LRRC8D: variants seen among roughly 807,000 people sequenced by gnomAD.
The protein encoded by LRRC8D is leucine rich repeat containing 8 VRAC subunit D, also known as volume-regulated anion channel subunit LRRC8D.
In LRRC8D, 20 loss-of-function variants were observed where a neutral mutation model predicts 55.8. The ratio of observed to expected loss-of-function variants is 0.36; its 90% CI spans 0.25 to 0.52. LRRC8D has a LOEUF of 0.52. Ranked by LOEUF, LRRC8D falls within the 20% of genes least tolerant of loss-of-function variation. The pLI is 0.93. For missense variants in LRRC8D, 651 were observed against 1,030.8 expected (o/e 0.63, Z 5.05); for synonymous variants, 352 against 377.0 (o/e 0.93, Z 0.77).
At chr1:89,863,997 T>C (rs1661784398) in intron 2 of LRRC8D, among the ~76,000 whole-genome samples, 1 of 152,214 alleles carries the variant, frequency 6.6e-6, no homozygotes, top group South Asian at 2.1e-4. Context: ...CGTGTTGTTA[T>C]GGCATAAAGT....
intron 2 of LRRC8D, among the ~76,000 whole-genome samples, chr1:89,905,392 C>G (rs1454612564): frequency 6.6e-6 from 1 of 152,150 alleles, no homozygotes; most frequent in Non-Finnish European, 1.5e-5. Flanking sequence ...CATTCATGAA[C>G]AAATAAAACC....
chr1:89,849,529 A>T (rs2100762236), intron 2 of LRRC8D, among the ~76,000 whole-genome samples: 1 of 151,920 alleles, frequency 6.6e-6, no homozygotes, highest in Middle Eastern at 3.4e-3. Flanking sequence ...ATTGCTGCCA[A>T]CCTGATAAAT....
intron 1 of LRRC8D, among the ~76,000 whole-genome samples, chr1:89,823,223 C>T (rs1223246298): frequency 1.3e-5 from 2 of 152,128 alleles, no homozygotes; most frequent in Admixed American, 6.5e-5. Context: ...TGTGGAGTAG[C>T]ATATGATGCA....
At chr1:89,870,807 G>C (rs902899220) in intron 2 of LRRC8D, among the ~76,000 whole-genome samples, 1 of 152,102 alleles carries the variant, frequency 6.6e-6, no homozygotes, top group African/African-American at 2.4e-5. Context: ...CAGTGACCAG[G>C]GGTACTTGGA....
chr1:89,823,501 C>G (rs1660690645), intron 1 of LRRC8D, among the ~76,000 whole-genome samples: 1 of 152,188 alleles, frequency 6.6e-6, no homozygotes, highest in Non-Finnish European at 1.5e-5. Context: ...AGACTCGATT[C>G]TGTTCTCAGT....
At position 89,934,677 on chromosome 1, in the gene LRRC8D, G is replaced by A. The variant is rs753883648; in HGVS notation, c.1609G>A (p.Asp537Asn). 3 of 1,613,996 alleles carry A rather than the reference G, an allele frequency of 1.9e-6. No homozygotes were observed. Among genetic ancestry groups the A allele is most frequent in the Admixed American group, 1.7e-5 (1 of 59,994 alleles). ...VEQTAFSFLR[D>N]HLRCLHVKFT... ...ACAGACTGCTTTTAGCTTTCTTCGCGATCACTTGAGATGCCTTCACGTGAA... is the reference window on the plus strand; with the variant it reads ...ACAGACTGCTTTTAGCTTTCTTCGCAATCACTTGAGATGCCTTCACGTGAA... Residue 537 changes from aspartate to asparagine, a missense_variant, in exon 3 of 3, where the codon GAT (aspartate) becomes AAT (asparagine). Physicochemically the swap from Asp to Asn is conservative, Grantham distance 23. This residue lies in a region of LRRC8D where 338 missense variants were observed against 479.4 expected (regional missense o/e 0.71). Transcript: ENST00000337338. The surrounding 1 kb of genome is among the most constrained non-coding windows in gnomAD (Gnocchi z 5.9).
chr1:89,925,058 G>T (rs1348379364), intron 2 of LRRC8D, among the ~76,000 whole-genome samples: 2 of 152,166 alleles, frequency 1.3e-5, no homozygotes, highest in African/African-American at 4.8e-5. Context: ...CACAGCACCA[G>T]GTGAGCAGTG....
At chr1:89,849,677 A>G (rs1184481419) in intron 2 of LRRC8D, among the ~76,000 whole-genome samples, 4 of 151,886 alleles carry the variant, frequency 2.6e-5, no homozygotes, top group South Asian at 2.1e-4. Flanking sequence ...TTGTCTTTTT[A>G]TGTCTTTAGC....
At chr1:89,866,033 T>C (rs183018062) in intron 2 of LRRC8D, among the ~76,000 whole-genome samples, 1 of 152,368 alleles carries the variant, frequency 6.6e-6, no homozygotes, top group East Asian at 1.9e-4. Context: ...TTTGAATTGC[T>C]GAAACAAAAC....
At chr1:89,903,210 G>C (rs1662908716) in intron 2 of LRRC8D, among the ~76,000 whole-genome samples, 1 of 117,426 alleles carries the variant, frequency 8.5e-6, no homozygotes, top group South Asian at 2.4e-4. Flanking sequence ...TCTGAGGGTA[G>C]AGTTGTGGGT....
At chr1:89,847,498 G>T (rs925877495) in intron 2 of LRRC8D, among the ~76,000 whole-genome samples, 3 of 152,104 alleles carry the variant, frequency 2.0e-5, no homozygotes, top group African/African-American at 7.2e-5. Flanking sequence ...TTGTGAACCA[G>T]CCGTGCATCT....
At chr1:89,910,022 T>C (rs1434585831) in intron 2 of LRRC8D, among the ~76,000 whole-genome samples, 1 of 152,236 alleles carries the variant, frequency 6.6e-6, no homozygotes, top group African/African-American at 2.4e-5. Context: ...GTACATATTT[T>C]GTACTTACGA....
chr1:89,870,455 G>A (rs1438345192), intron 2 of LRRC8D, among the ~76,000 whole-genome samples: 1 of 151,780 alleles, frequency 6.6e-6, no homozygotes, highest in Non-Finnish European at 1.5e-5. Context: ...TAGCCTGGGC[G>A]ACAAAGCGAG....
intron 1 of LRRC8D, among the ~76,000 whole-genome samples, chr1:89,839,630 T>G (rs929647481): frequency 6.6e-6 from 1 of 152,186 alleles, no homozygotes; most frequent in African/African-American, 2.4e-5. Flanking sequence ...AAGGCTTCCT[T>G]GAAAGCCATG....
chr1:89,859,065 T>C (rs1661631039), intron 2 of LRRC8D, among the ~76,000 whole-genome samples: 1 of 151,950 alleles, frequency 6.6e-6, no homozygotes, highest in African/African-American at 2.4e-5. Context: ...ATTTAATAAA[T>C]TTTCTTTACA....
At chr1:89,872,831 T>G (rs2100827165) in intron 2 of LRRC8D, among the ~76,000 whole-genome samples, 1 of 152,280 alleles carries the variant, frequency 6.6e-6, no homozygotes, top group East Asian at 1.9e-4. Flanking sequence ...ACATGATTAG[T>G]AATGTGTGTG....
rs1395156603 is a variant in LRRC8D at position 89,829,888 on chromosome 1, TA to T, written c.-148+8600del. On this transcript the variant is annotated intron_variant, in intron 1 of 2. Coordinates refer to ENST00000337338, the MANE Select transcript of LRRC8D (RefSeq NM_001134479.2). ...CATATTGATGATAGAATGCCACTTG[TA>T]AAGTACATCTTAAGCACCCTCCTCC... is the stretch of plus-strand genomic sequence containing the variant. Among the ~76,000 whole-genome samples the T allele has an allele frequency of 5.3e-5, 8 of 152,356 alleles. No homozygotes were observed. The South Asian group carries it at 1.5e-3, about 28-fold the overall frequency.
intron 2 of LRRC8D, among the ~76,000 whole-genome samples, chr1:89,902,792 G>A (rs989307596): frequency 6.6e-6 from 1 of 152,118 alleles, no homozygotes; most frequent in Non-Finnish European, 1.5e-5. Context: ...CCAAAGTGCT[G>A]GGATTACAGG....
chr1:89,865,359 T>TAC (rs1553124328), intron 2 of LRRC8D, among the ~76,000 whole-genome samples: 2 of 143,714 alleles, frequency 1.4e-5, no homozygotes, highest in Admixed American at 6.9e-5. Flanking sequence ...TATATATATA[T>TAC]ACTTTCTGTG....
Sources: allele counts gnomAD v4.1 joint callset (sites outside exome capture counted in the v4.1 genomes callset), GRCh38; gene constraint gnomAD v4.1.1; regional missense constraint gnomAD v4.1.1; non-coding constraint Gnocchi (gnomAD v3.1); transcripts MANE v1.5; gene names NCBI Gene and HGNC (gene_info 2026-07-23, HGNC 2026-07-21).